The following GEMIN8 variants were observed in gnomAD, a reference collection of about 807,000 sequenced individuals.
The protein encoded by GEMIN8 is gem-associated protein 8.
For synonymous variants in GEMIN8, 80 were observed against 78.5 expected (o/e 1.02, Z -0.10); for missense variants, 185 against 205.9 (o/e 0.90, Z 0.62).
intron 4 of GEMIN8, among the ~76,000 whole-genome samples, chrX:14,011,588 C>T (rs1234989049): frequency 1.1e-5 from 1 of 92,434 alleles, no homozygotes; most frequent in Admixed American, 1.4e-4. Flanking sequence ...TTGCTGAGTG[C>T]CTTGGAGTCT....
At chrX:14,009,616 C>T (rs1379260841) in intron 4 of GEMIN8, among the ~76,000 whole-genome samples, 1 of 111,656 alleles carries the variant, frequency 9.0e-6, no homozygotes, top group Non-Finnish European at 1.9e-5. Flanking sequence ...CAAACCTCTG[C>T]AACAAGCCCT....
At chrX:14,015,398 A>T (rs1923838504) in intron 4 of GEMIN8, among the ~76,000 whole-genome samples, 1 of 112,929 alleles carries the variant, frequency 8.9e-6, no homozygotes, top group Non-Finnish European at 1.9e-5. Context: ...GCTTTAAGTA[A>T]CGGAAATATC....
chrX:14,005,297 T>G (rs972697778), downstream of GEMIN8, among the ~76,000 whole-genome samples: 2 of 110,963 alleles, frequency 1.8e-5, no homozygotes, highest in African/African-American at 6.6e-5. Flanking sequence ...CCCCCTAACC[T>G]CCAGGGAAGG....
the GEMIN8 span, among the ~76,000 whole-genome samples, chrX:13,996,124 T>C: frequency 1.8e-5 from 2 of 111,834 alleles, no homozygotes; most frequent in African/African-American, 3.2e-5. Flanking sequence ...ATTTGGAATA[T>C]TTAAAATGGA....
intron 4 of GEMIN8, chrX:14,014,141 G>C (rs746110259): frequency 2.8e-5 from 21 of 752,046 alleles, no homozygotes; most frequent in Non-Finnish European, 3.3e-5. Context: ...AGAGGATAAA[G>C]CATGGAGGCA....
intron 1 of GEMIN8, among the ~76,000 whole-genome samples, chrX:14,026,805 T>A: frequency 8.9e-6 from 1 of 112,954 alleles, no homozygotes; most frequent in Non-Finnish European, 1.9e-5. Context: ...GATTTTCCTA[T>A]CTTCCTTTTC....
chrX:14,026,639 A>G (rs1924713181), intron 1 of GEMIN8, among the ~76,000 whole-genome samples: 2 of 112,546 alleles, frequency 1.8e-5, no homozygotes, highest in Non-Finnish European at 3.8e-5. Flanking sequence ...AATTTCACAA[A>G]TAAGTGGCTT....
intron 4 of GEMIN8, among the ~76,000 whole-genome samples, chrX:14,016,304 A>G (rs1923894525): frequency 8.9e-6 from 1 of 112,261 alleles, no homozygotes; most frequent in Non-Finnish European, 1.9e-5. Flanking sequence ...AAGCTTGTTT[A>G]GGGACATTAT....
the GEMIN8 span, among the ~76,000 whole-genome samples, chrX:13,997,920 A>G: frequency 9.6e-6 from 1 of 103,743 alleles, no homozygotes; most frequent in Middle Eastern, 5.0e-3. Context: ...AAAAAAAAAA[A>G]TCATAGAAGT....
chrX:14,022,353 C>T (rs968870973), intron 2 of GEMIN8, among the ~76,000 whole-genome samples: 2 of 110,773 alleles, frequency 1.8e-5, no homozygotes, highest in African/African-American at 3.3e-5. Context: ...ATATGCATTT[C>T]TCAGCCAGCA....
At chrX:13,994,258 G>A in the GEMIN8 span, among the ~76,000 whole-genome samples, 1 of 111,559 alleles carries the variant, frequency 9.0e-6, no homozygotes, top group Non-Finnish European at 1.9e-5. Context: ...ACACACAGCC[G>A]TATTTTCTGC....
In GEMIN8 at chrX:14,022,600, T is replaced by A. The variant is rs1603202260; in HGVS notation, c.-33-1089A>T. 5.8e-5 allele frequency among the ~76,000 whole-genome samples: 5 copies of A among 85,573 alleles called. 1 individual carries two copies. Among genetic ancestry groups the A allele is most frequent in the Admixed American group, 5.6e-4 (5 of 8,929 alleles). The allele number at this position is 85,573 out of a possible 115,157, so 74.3% of individuals were successfully genotyped here. A position where few individuals can be genotyped will look rare whatever the true frequency, so the allele number is the denominator to read the frequency against. On this transcript the variant is annotated intron_variant, in intron 2 of 4. Coordinates refer to ENST00000680255, the MANE Select transcript of GEMIN8 (RefSeq NM_001042479.2). ...CTTTTTCAATCTATTTAAAATAGACTTTTTTTTTTTCTATTCAGAGGTTCA... is the reference window on the plus strand; with the variant it reads ...CTTTTTCAATCTATTTAAAATAGACATTTTTTTTTTCTATTCAGAGGTTCA...
At chrX:14,017,942 C>T (rs752526767) in intron 4 of GEMIN8, among the ~76,000 whole-genome samples, 14 of 111,740 alleles carry the variant, frequency 1.3e-4, no homozygotes, top group South Asian at 1.1e-3. Flanking sequence ...AATTTGGAGC[C>T]GTAAAGTAAC....
the GEMIN8 span, among the ~76,000 whole-genome samples, chrX:13,997,098 C>T: frequency 2.7e-5 from 3 of 109,843 alleles, no homozygotes; most frequent in Non-Finnish European, 5.7e-5. Context: ...TGCGTCACCA[C>T]GCCCAGCTAA....
intron 3 of GEMIN8, 192 bp from the exon 4 acceptor site, chrX:14,020,726 T>C (rs1358399022): frequency 9.5e-6 from 4 of 421,541 alleles, no homozygotes; most frequent in Non-Finnish European, 1.7e-5. Flanking sequence ...ACCAAGTGTA[T>C]GCACACTTGC....
At chrX:14,010,225 T>C (rs1303542119) in intron 4 of GEMIN8, among the ~76,000 whole-genome samples, 1 of 112,556 alleles carries the variant, frequency 8.9e-6, no homozygotes, top group East Asian at 2.8e-4. Flanking sequence ...CTATTCAATT[T>C]ACTCTTCCCT....
intron 4 of GEMIN8, among the ~76,000 whole-genome samples, chrX:14,013,636 A>C (rs1923709819): frequency 9.0e-6 from 1 of 111,713 alleles, no homozygotes; most frequent in African/African-American, 3.3e-5. Flanking sequence ...GGGAAAGGCC[A>C]CATGAAGATG....
In GEMIN8 at chrX:14,007,576, C is replaced by T. The variant is rs1923231275; in HGVS notation, c.*1337G>A. Among the ~76,000 whole-genome samples the T allele has an allele frequency of 1.8e-5, 2 of 109,621 alleles. No individual in the cohort carries two copies. The highest frequency in any genetic ancestry group is 1.9e-4 in the Admixed American group (2 of 10,275). On this transcript the variant is annotated 3_prime_UTR_variant, in exon 5 of 5. Transcript: ENST00000680255. ...TTTTCTTTTGAGATGGAGTCTCACT[C>T]TGTTGCCCAGGCTGGAGCTCGGCTC...
chrX:13,993,612 TGAG>T, the GEMIN8 span, among the ~76,000 whole-genome samples: 1 of 108,707 alleles, frequency 9.2e-6, no homozygotes, highest in Non-Finnish European at 1.9e-5. Context: ...TTTATAGAGA[TGAG>T]GTCTCATCAT....
Sources: gnomAD v4.1 joint callset for allele counts (sites outside exome capture counted in the v4.1 genomes callset) on GRCh38, gnomAD v4.1.1 for gene constraint, MANE v1.5 for transcripts, NCBI Gene and HGNC (gene_info 2026-07-23, HGNC 2026-07-21) for gene names.